The following ASTN2 variants were observed in gnomAD, a reference collection of about 807,000 sequenced individuals.
ASTN2 encodes astrotactin-2.
In ASTN2, 54 loss-of-function variants were observed where a neutral mutation model predicts 139.8. The observed-to-expected ratio is 0.39, with a 90% CI of 0.31 to 0.48. The LOEUF is 0.48. ASTN2 is among the 20% of genes least tolerant of loss of function. The pLI, the probability that ASTN2 is intolerant of heterozygous loss-of-function variation, is 0.95. For missense variants in ASTN2, 1,565 were observed against 1,725.1 expected (o/e 0.91, Z 1.64); for synonymous variants, 756 against 719.5 (o/e 1.05, Z -0.81).
chr9:117,151,231 A>G (rs1028688910), intron 3 of ASTN2, among the ~76,000 whole-genome samples: 12 of 152,052 alleles, frequency 7.9e-5, no homozygotes, highest in African/African-American at 2.9e-4. Context: ...GCAAATCCAG[A>G]TTTTCTGCTC....
At chr9:117,066,509 C>T (rs10983494) in intron 5 of ASTN2, among the ~76,000 whole-genome samples, 13,678 of 140,218 alleles carry the variant, frequency 0.098, 741 homozygotes, top group East Asian at 0.13. Context: ...ACTAGCATGA[C>T]TTATAGTCAT....
chr9:117,329,180 CTTTTTTT>C (rs749880987), intron 1 of ASTN2, among the ~76,000 whole-genome samples: 30 of 82,584 alleles, frequency 3.6e-4, no homozygotes, highest in Non-Finnish European at 4.7e-4. Context: ...CTTCCAAGTT[CTTTTTTT>C]TTTTTTTTTT....
At chr9:116,639,965 T>G (rs998441277) in intron 17 of ASTN2, among the ~76,000 whole-genome samples, 1 of 152,336 alleles carries the variant, frequency 6.6e-6, no homozygotes, top group East Asian at 1.9e-4. Context: ...ATTTCTACTA[T>G]GCATCAGGCA....
At chr9:116,820,357 T>C (rs1831452010) in intron 12 of ASTN2, among the ~76,000 whole-genome samples, 1 of 152,244 alleles carries the variant, frequency 6.6e-6, no homozygotes. Flanking sequence ...CTCCTGGCTC[T>C]AGGATGAGGC....
intron 4 of ASTN2, among the ~76,000 whole-genome samples, chr9:117,140,112 C>T (rs1180586872): frequency 6.6e-6 from 1 of 152,154 alleles, no homozygotes; most frequent in Non-Finnish European, 1.5e-5. Flanking sequence ...GATCAAATGA[C>T]ATAAGATGCA....
intron 10 of ASTN2, among the ~76,000 whole-genome samples, chr9:116,921,433 A>C (rs1258265603): frequency 6.6e-6 from 1 of 152,018 alleles, no homozygotes; most frequent in African/African-American, 2.4e-5. Context: ...CTAAAAATAC[A>C]AAAAATTAGC....
chr9:116,672,707 A>T lies in ASTN2; in HGVS notation c.2807-20914T>A, dbSNP rs1859271553. On this transcript the variant is annotated intron_variant, in intron 16 of 22. Transcript: ENST00000313400. ...GGAGGGAAGGGAAGTACAGAAGGCT[A>T]AGTTAGTTGTCCAAAGTTATAGAAC... Among the ~76,000 whole-genome samples, 4 of 152,178 alleles carry T rather than the reference A, an allele frequency of 2.6e-5. No homozygotes were observed. In the South Asian group the frequency reaches 8.3e-4, roughly 32 times the overall value.
chr9:117,339,938 A>G (rs1040608691), intron 1 of ASTN2, among the ~76,000 whole-genome samples: 2 of 151,754 alleles, frequency 1.3e-5, no homozygotes, highest in Non-Finnish European at 2.9e-5. Flanking sequence ...AAAGAGGCCC[A>G]CATGATACCA....
intron 3 of ASTN2, among the ~76,000 whole-genome samples, chr9:117,179,109 C>A (rs547318674): frequency 1.3e-5 from 2 of 152,100 alleles, no homozygotes; most frequent in Non-Finnish European, 2.9e-5. Flanking sequence ...ATGTATTCAG[C>A]CAATATGTAT....
chr9:116,884,775 C>CT (rs1203169821), intron 10 of ASTN2, among the ~76,000 whole-genome samples: 1 of 149,120 alleles, frequency 6.7e-6, no homozygotes, highest in Admixed American at 6.7e-5. Context: ...GACATTCTCC[C>CT]TGTGTGCATG....
Position 116,425,194 on chromosome 9 carries a change from A to C in ASTN2, c.*657T>G. The C allele has an allele frequency of 3.8e-6, 1 of 259,878 alleles. No homozygotes were observed. Among genetic ancestry groups the C allele is most frequent in the South Asian group, 5.5e-5 (1 of 18,198 alleles). The allele number at this position is 259,878 out of a possible 1,614,324, so 16.1% of individuals were successfully genotyped here. A position where few individuals can be genotyped will look rare whatever the true frequency, so the allele number is the denominator to read the frequency against. On this transcript the variant is annotated 3_prime_UTR_variant, in exon 23 of 23. Coordinates refer to ENST00000313400, the MANE Select transcript of ASTN2 (RefSeq NM_001365068.1). ...GAATAAACAGAGGTCTCTCAAGCACATTCCCTTGGTAAGAAATACCACCCA... is the reference window on the plus strand; with the variant it reads ...GAATAAACAGAGGTCTCTCAAGCACCTTCCCTTGGTAAGAAATACCACCCA...
At chr9:116,529,667 G>A (rs946935452) in intron 19 of ASTN2, among the ~76,000 whole-genome samples, 1 of 152,064 alleles carries the variant, frequency 6.6e-6, no homozygotes, top group Non-Finnish European at 1.5e-5. Flanking sequence ...GTCAGGGGAG[G>A]GGCCTGGTGG....
At chr9:116,948,785 GTTTTTTTTTTTTT>G (rs58832163) in intron 10 of ASTN2, among the ~76,000 whole-genome samples, 2 of 49,472 alleles carry the variant, frequency 4.0e-5, no homozygotes, top group South Asian at 2.7e-3. Context: ...ATAATTTGGT[GTTTTTTTTTTTTT>G]TTTTTTTTTT....
intron 19 of ASTN2, among the ~76,000 whole-genome samples, chr9:116,494,477 A>T (rs1849612064): frequency 1.3e-5 from 2 of 152,174 alleles, no homozygotes; most frequent in South Asian, 4.1e-4. Flanking sequence ...GCATTACATC[A>T]TATCTAACTC....
intron 2 of ASTN2, among the ~76,000 whole-genome samples, chr9:117,225,793 A>T (rs1170129205): frequency 6.6e-6 from 1 of 151,766 alleles, no homozygotes; most frequent in Non-Finnish European, 1.5e-5. Flanking sequence ...TGTTGTGAAG[A>T]TCGGATAAGG....
intron 5 of ASTN2, among the ~76,000 whole-genome samples, chr9:117,071,871 G>A (rs934404385): frequency 7.2e-5 from 11 of 152,158 alleles, no homozygotes; most frequent in Non-Finnish European, 1.2e-4. Context: ...GCTTCGGCTC[G>A]CGCACCGTGC....
chr9:117,019,471 C>T (rs1837809459), intron 6 of ASTN2, among the ~76,000 whole-genome samples: 1 of 152,066 alleles, frequency 6.6e-6, no homozygotes. Flanking sequence ...AATATTAATA[C>T]CTGGGGCAAT....
At chr9:117,262,708 A>C (rs1371912282) in intron 2 of ASTN2, among the ~76,000 whole-genome samples, 1 of 152,192 alleles carries the variant, frequency 6.6e-6, no homozygotes, top group African/African-American at 2.4e-5. Context: ...AGGGAGAATT[A>C]AGGTTGCAGA....
At chr9:117,060,344 G>GAGAAAGAAAGAAAGAA (rs575931514) in intron 5 of ASTN2, among the ~76,000 whole-genome samples, 5 of 58,894 alleles carry the variant, frequency 8.5e-5, no homozygotes, top group East Asian at 9.9e-4. Flanking sequence ...GAAAGAAAGA[G>GAGAAAGAAAGAAAGAA]AGAAAGAAAG....
Sources: gnomAD v4.1 joint callset for allele counts (sites outside exome capture counted in the v4.1 genomes callset) on GRCh38, gnomAD v4.1.1 for gene constraint, MANE v1.5 for transcripts, NCBI Gene and HGNC (gene_info 2026-07-23, HGNC 2026-07-21) for gene names.